Variants in OGG1 observed in about 807,000 individuals in gnomAD.
OGG1 encodes N-glycosylase/DNA lyase.
Under a neutral mutation model 42.3 loss-of-function variants are expected in OGG1, and 35 were observed. The observed-to-expected ratio is 0.83, with a 90% CI of 0.63 to 1.10. The LOEUF (loss-of-function observed/expected upper bound fraction) is 1.10, where lower values mean the gene tolerates loss of function less well. Among genes scored for constraint, OGG1 ranks in the 50% least tolerant of loss-of-function variants. The probability of loss-of-function intolerance (pLI) is 0.00; values close to 1 mark genes in which losing one functional copy is unlikely to be tolerated. For missense variants in OGG1, 484 were observed against 446.7 expected (o/e 1.08, Z -0.75); for synonymous variants, 189 against 179.0 (o/e 1.06, Z -0.44).
chr3:9,767,713 C>T (rs751388407), downstream of OGG1: 14 of 1,614,064 alleles, frequency 8.7e-6, no homozygotes, highest in Admixed American at 1.7e-5. Flanking sequence ...ATGTCCTCCG[C>T]CTGCTTCCAC....
chr3:9,787,716 ACT>A, intron 3 of OGG1: 2 of 1,306,964 alleles, frequency 1.5e-6, no homozygotes, highest in South Asian at 2.5e-5. Flanking sequence ...GTCTGTATGA[ACT>A]CTTTTTCAGA....
chr3:9,760,881 T>G, downstream of OGG1: 1 of 1,474,420 alleles, frequency 6.8e-7, no homozygotes, highest in Non-Finnish European at 9.2e-7. Flanking sequence ...AGTTCCCCCT[T>G]TATAAACTCT....
intron 3 of OGG1, chr3:9,785,419 T>C: frequency 6.2e-7 from 1 of 1,611,920 alleles, no homozygotes; most frequent in Non-Finnish European, 8.5e-7. Context: ...GGGGAAATAA[T>C]ATTTTCCTAG....
chr3:9,758,783 C>T, downstream of OGG1: 1 of 247,606 alleles, frequency 4.0e-6, no homozygotes, highest in Non-Finnish European at 8.0e-6. Context: ...GCACGCACCA[C>T]CATGTGTGGC....
chr3:9,750,758 G>C (rs2077264056), intron 1 of OGG1, 187 bp from the exon 2 acceptor site: 4 of 789,642 alleles, frequency 5.1e-6, no homozygotes, highest in Middle Eastern at 2.5e-4. Flanking sequence ...GACTACAGGT[G>C]TGCGCCATGC....
At chr3:9,789,069 C>T (rs547891283), downstream of OGG1, among the ~76,000 whole-genome samples, 1 of 152,256 alleles carries the variant, frequency 6.6e-6, no homozygotes, top group Non-Finnish European at 1.5e-5. Flanking sequence ...TTCCTGAGCT[C>T]AAGCAATCTG....
At chr3:9,759,172 C>G (rs777627402), downstream of OGG1, 10 of 1,599,682 alleles carry the variant, frequency 6.3e-6, no homozygotes, top group East Asian at 2.0e-4. Context: ...TCACTAATTC[C>G]TACTTAACTG....
In OGG1 at chr3:9,764,439, A is replaced by G. The variant is rs1454734067; in HGVS notation, c.1049-1370A>G. Among the ~76,000 whole-genome samples, 6 of 152,076 alleles carry G rather than the reference A, an allele frequency of 3.9e-5. No individual in the cohort carries two copies. In the East Asian group the frequency reaches 5.8e-4, roughly 15 times the overall value. On this transcript the variant is annotated intron_variant, in intron 7 of 7. Coordinates refer to the OGG1 transcript ENST00000302008. Reference sequence around the variant, plus strand: ...GTGATTCTTCTTTCTCAGCCTCTCAAGTAGCTGGGATTACAGGCATGCGCC... The same window carrying G: ...GTGATTCTTCTTTCTCAGCCTCTCAGGTAGCTGGGATTACAGGCATGCGCC...
chr3:9,757,973 T>C, downstream of OGG1: 1 of 1,451,862 alleles, frequency 6.9e-7, no homozygotes, highest in Non-Finnish European at 9.1e-7. This position sits in a 1 kb window ranked among gnomAD's most constrained non-coding sequence, Gnocchi z 4.5. Flanking sequence ...TTTTATTAAT[T>C]CCCCTAAAGC....
downstream of OGG1, among the ~76,000 whole-genome samples, chr3:9,788,926 C>T (rs192793465): frequency 4.4e-4 from 66 of 151,688 alleles, 1 homozygote; most frequent in East Asian, 0.013. Flanking sequence ...ACTTCCACCT[C>T]CCGGGTCCAA....
At chr3:9,784,026 A>T (rs545090076) in intron 3 of OGG1, 1 of 1,612,748 alleles carries the variant, frequency 6.2e-7, no homozygotes, top group South Asian at 1.1e-5. Context: ...GCTAACGCTC[A>T]CCTCAGCAGG....
At chr3:9,754,346 A>C (rs1486520157) in intron 3 of OGG1, among the ~76,000 whole-genome samples, 1 of 152,254 alleles carries the variant, frequency 6.6e-6, no homozygotes. Context: ...ACTTGATCAT[A>C]GAAGCTGTTG....
chr3:9,789,557 T>G (rs1428290696), downstream of OGG1: 7 of 1,614,048 alleles, frequency 4.3e-6, no homozygotes, highest in East Asian at 1.6e-4. Context: ...ACTCCTCAAG[T>G]GTGCGGACCT....
chr3:9,757,105 G>A lies in OGG1; in HGVS notation c.993G>A (p.Glu331=), dbSNP rs1250734889. The part of the protein sequence containing the change: ...ADLRQSRHAQ[E]PPAKRRKGSK... ...TGCGCCAATCCCGCCATGCTCAGGA[G>A]CCACCAGCAAAGCGCAGAAAGGGTT... The change falls in exon 7 of 7, where the codon GAG becomes GAA. Residue 331 remains glutamate (E), a synonymous_variant. Transcript: ENST00000344629. This position sits in a 1 kb window ranked among gnomAD's most constrained non-coding sequence, Gnocchi z 4.5. 6.2e-7 allele frequency: 1 copy of A among 1,614,060 alleles called. No individual in the cohort carries two copies. Among genetic ancestry groups the A allele is most frequent in the Non-Finnish European group, 8.5e-7 (1 of 1,180,052 alleles).
intron 2 of OGG1, chr3:9,780,623 G>GCCTA: frequency 6.8e-7 from 1 of 1,464,586 alleles, no homozygotes; most frequent in Non-Finnish European, 9.1e-7. Context: ...TCAAGACCGA[G>GCCTA]CCTACCCACC....
chr3:9,776,388 CT>C (rs57504240), intron 2 of OGG1, among the ~76,000 whole-genome samples: 2,797 of 121,076 alleles, frequency 0.023, 46 homozygotes, highest in African/African-American at 0.077. Flanking sequence ...TTTTTCTTTT[CT>C]TTTTTTTTTT....
chr3:9,766,267 T>C, exon 8 of OGG1: 2 of 705,310 alleles, frequency 2.8e-6, no homozygotes, highest in East Asian at 5.4e-5. Context: ...AATGGCCAAA[T>C]ATATTTCCTG....
At chr3:9,759,793 C>A (rs548164128), downstream of OGG1, 1 of 1,614,076 alleles carries the variant, frequency 6.2e-7, no homozygotes, top group Non-Finnish European at 8.5e-7. Flanking sequence ...CAGCATGGTA[C>A]TGCCTGTGTA....
chr3:9,787,546 C>T, intron 3 of OGG1: 1 of 942,292 alleles, frequency 1.1e-6, no homozygotes, highest in African/African-American at 1.7e-5. Flanking sequence ...AGAACTAAGA[C>T]ACACACACAG....
Sources: gnomAD v4.1 joint callset for allele counts (sites outside exome capture counted in the v4.1 genomes callset) on GRCh38, gnomAD v4.1.1 for gene constraint, Gnocchi (gnomAD v3.1) non-coding constraint, MANE v1.5 for transcripts, NCBI Gene and HGNC (gene_info 2026-07-23, HGNC 2026-07-21) for gene names.